Variants in COL25A1 observed in about 807,000 individuals in gnomAD.
COL25A1 encodes the protein collagen alpha-1(XXV) chain.
A neutral mutation model predicts 128.4 loss-of-function variants in COL25A1; 103 were observed. The observed-to-expected ratio is 0.80, with a 90% confidence interval of 0.68 to 0.94. The LOEUF is 0.94. Ranked by LOEUF, COL25A1 falls within the 40% of genes least tolerant of loss-of-function variation. The probability of loss-of-function intolerance (pLI) is 0.00; values close to 1 mark genes in which losing one functional copy is unlikely to be tolerated. For synonymous variants in COL25A1, 279 were observed against 277.2 expected (o/e 1.01, Z -0.06); for missense variants, 745 against 840.0 (o/e 0.89, Z 1.40).
chr4:108,928,305 A>G (rs986484320), intron 11 of COL25A1, among the ~76,000 whole-genome samples: 1 of 152,154 alleles, frequency 6.6e-6, no homozygotes, highest in Admixed American at 6.6e-5. Context: ...TAAATTTAAG[A>G]TTATAATATA....
intron 3 of COL25A1, among the ~76,000 whole-genome samples, chr4:109,078,649 G>T (rs1172547120): frequency 6.6e-6 from 1 of 152,158 alleles, no homozygotes; most frequent in African/African-American, 2.4e-5. Flanking sequence ...GTTTAAATAG[G>T]TCTTATAATA....
chr4:108,859,589 C>T, intron 24 of COL25A1, 67 bp downstream of exon 24: 1 of 1,361,548 alleles, frequency 7.3e-7, no homozygotes, highest in Non-Finnish European at 1.0e-6. Context: ...CTCATATTTG[C>T]ACACATTACA....
intron 5 of COL25A1, among the ~76,000 whole-genome samples, chr4:109,011,733 C>T (rs1209681491): frequency 6.6e-6 from 1 of 152,158 alleles, no homozygotes; most frequent in Non-Finnish European, 1.5e-5. Context: ...GTCACTCTGC[C>T]TTTCGGCCTA....
intron 11 of COL25A1, among the ~76,000 whole-genome samples, chr4:108,928,648 T>C (rs1200891467): frequency 7.2e-5 from 11 of 152,054 alleles, no homozygotes. Flanking sequence ...CCTCAAGCGA[T>C]CCTCCTGTCT....
Position 108,811,603 on chromosome 4 carries a change from G to T in COL25A1, c.*2324C>A, listed in dbSNP as rs555675017. On this transcript the variant is annotated 3_prime_UTR_variant, in exon 38 of 38. Coordinates refer to ENST00000399132, the MANE Select transcript of COL25A1 (RefSeq NM_198721.4). ...ACACTGTAGTTTGTTTTCCTGAAGA[G>T]AATGTAGTTCCACCCACTTCAGTTC... is the stretch of plus-strand genomic sequence containing the variant. The T allele has an allele frequency of 6.6e-6, 1 of 152,192 alleles. No homozygotes were observed. The highest frequency in any genetic ancestry group is 2.1e-4 in the South Asian group (1 of 4,828). The allele number at this position is 152,192 out of a possible 1,614,324, so 9.4% of individuals were successfully genotyped here. A position where few individuals can be genotyped will look rare whatever the true frequency, so the allele number is the denominator to read the frequency against.
At chr4:109,285,005 GTA>G (rs1362552481) in intron 3 of COL25A1, among the ~76,000 whole-genome samples, 1 of 152,034 alleles carries the variant, frequency 6.6e-6, no homozygotes, top group Non-Finnish European at 1.5e-5. Flanking sequence ...TTAGTTAGCA[GTA>G]TAGTTTCTAG....
At chr4:109,144,940 A>C (rs1770781426) in intron 3 of COL25A1, among the ~76,000 whole-genome samples, 1 of 152,234 alleles carries the variant, frequency 6.6e-6, no homozygotes, top group Non-Finnish European at 1.5e-5. Flanking sequence ...TTTAGCCAAG[A>C]AACAAACTGT....
At chr4:109,132,326 GAA>G (rs920314863) in intron 3 of COL25A1, among the ~76,000 whole-genome samples, 59 of 152,152 alleles carry the variant, frequency 3.9e-4, no homozygotes, top group African/African-American at 1.4e-3. Flanking sequence ...AGATTCTTAA[GAA>G]AAGTTTTCAA....
At chr4:108,815,022 C>G (rs990885630) in intron 37 of COL25A1, among the ~76,000 whole-genome samples, 1 of 152,254 alleles carries the variant, frequency 6.6e-6, no homozygotes, top group South Asian at 2.1e-4. Flanking sequence ...GCCTGTCATG[C>G]CAATGCCAAA....
At chr4:108,909,718 A>G (rs1743986565) in intron 13 of COL25A1, among the ~76,000 whole-genome samples, 1 of 152,202 alleles carries the variant, frequency 6.6e-6, no homozygotes. Flanking sequence ...ATTTACATAA[A>G]TGAGAGGAAT....
chr4:108,826,072 G>A (rs1732345663), intron 33 of COL25A1, among the ~76,000 whole-genome samples: 1 of 152,042 alleles, frequency 6.6e-6, no homozygotes, highest in Non-Finnish European at 1.5e-5. Flanking sequence ...CATGGTTTAT[G>A]TTTATTATTT....
chr4:109,218,599 T>C (rs982375922), intron 3 of COL25A1, among the ~76,000 whole-genome samples: 7 of 151,944 alleles, frequency 4.6e-5, no homozygotes, highest in African/African-American at 1.7e-4. Flanking sequence ...GTCTCCTAAC[T>C]TTAGGAATAT....
intron 3 of COL25A1, among the ~76,000 whole-genome samples, chr4:109,244,951 T>C (rs903280391): frequency 6.6e-6 from 1 of 152,150 alleles, no homozygotes; most frequent in African/African-American, 2.4e-5. Flanking sequence ...AGCCATAAAC[T>C]AAAAGTCACT....
rs771153265 is a variant in COL25A1, at chr4:108,993,162, GAAC to G, written c.438+17193_438+17195del. Among the ~76,000 whole-genome samples, 134 of 152,068 alleles carry G rather than the reference GAAC, an allele frequency of 8.8e-4. 2 individuals are homozygous for G. Among genetic ancestry groups the G allele is most frequent in the Non-Finnish European group, 2.2e-4 (15 of 68,000 alleles). ...TCCTAGCTGGAATTTTGTATCCTTT[GAAC>G]AACATCATCCCACACTCCCACCCCA... On this transcript the variant is annotated intron_variant, in intron 6 of 37. Transcript: ENST00000399132.
intron 3 of COL25A1, among the ~76,000 whole-genome samples, chr4:109,198,062 C>A (rs956692554): frequency 2.6e-5 from 4 of 151,766 alleles, no homozygotes; most frequent in African/African-American, 7.3e-5. Context: ...ATAATTTTTT[C>A]TTGTACTTTT....
At chr4:109,186,045 C>A (rs1017523404) in intron 3 of COL25A1, among the ~76,000 whole-genome samples, 1 of 152,220 alleles carries the variant, frequency 6.6e-6, no homozygotes, top group Non-Finnish European at 1.5e-5. Flanking sequence ...TTTGCTAAAA[C>A]CTACCAAATA....
At chr4:109,106,957 TG>T (rs1039065841) in intron 3 of COL25A1, among the ~76,000 whole-genome samples, 1 of 152,102 alleles carries the variant, frequency 6.6e-6, no homozygotes, top group African/African-American at 2.4e-5. Context: ...CCTGTAGAGA[TG>T]GGGTCTCACT....
At chr4:108,970,250 C>CA in intron 8 of COL25A1, among the ~76,000 whole-genome samples, 1 of 152,126 alleles carries the variant, frequency 6.6e-6, no homozygotes, top group Non-Finnish European at 1.5e-5. Context: ...CAGATAGTCT[C>CA]AAAATAAGAT....
chr4:108,907,169 G>A (rs993101429), intron 13 of COL25A1, among the ~76,000 whole-genome samples: 4 of 152,184 alleles, frequency 2.6e-5, no homozygotes, highest in Admixed American at 1.3e-4. Flanking sequence ...GGAGTGAAGC[G>A]AGGCGAGTGC....
Sources: gnomAD v4.1 joint callset for allele counts (sites outside exome capture counted in the v4.1 genomes callset) on GRCh38, gnomAD v4.1.1 for gene constraint, MANE v1.5 for transcripts, NCBI Gene and HGNC (gene_info 2026-07-23, HGNC 2026-07-21) for gene names.